TMEM71: variants seen among roughly 807,000 people sequenced by gnomAD.
The protein encoded by TMEM71 is transmembrane protein 71.
TMEM71 carries 44 observed loss-of-function variants against 38.0 expected under a neutral mutation model. The ratio of observed to expected loss-of-function variants is 1.16; its 90% confidence interval spans 0.91 to 1.49. TMEM71 has a LOEUF of 1.49. TMEM71 is among the 40% of genes most tolerant of loss of function. TMEM71 has a pLI of 0.00. For missense variants in TMEM71, 367 were observed against 348.6 expected, an observed-to-expected ratio of 1.05 and a Z score of -0.42; for synonymous variants, 133 against 122.5, an observed-to-expected ratio of 1.09 and a Z score of -0.56.
chr8:132,746,287 T>C (rs1237503385), intron 5 of TMEM71, among the ~76,000 whole-genome samples: 2 of 149,780 alleles, frequency 1.3e-5, no homozygotes, highest in Admixed American at 6.7e-5. Context: ...TTACACAATA[T>C]GTATATATTA....
chr8:132,734,489 A>G (rs1156270434), intron 5 of TMEM71, among the ~76,000 whole-genome samples: 1 of 152,226 alleles, frequency 6.6e-6, no homozygotes, highest in Non-Finnish European at 1.5e-5. Context: ...TAACAACAGT[A>G]AAAAGATGTG....
At chr8:132,721,406 A>G (rs1254902965) in intron 7 of TMEM71, among the ~76,000 whole-genome samples, 1 of 152,218 alleles carries the variant, frequency 6.6e-6, no homozygotes, top group African/African-American at 2.4e-5. Flanking sequence ...AAGTGGCTTT[A>G]AACTCCAGCT....
chr8:132,746,400 C>CAT (rs1222340698), intron 5 of TMEM71, among the ~76,000 whole-genome samples: 1 of 16,192 alleles, frequency 6.2e-5, no homozygotes, highest in South Asian at 4.2e-3. Context: ...TATATATATA[C>CAT]ATATATATAT....
chr8:132,731,068 A>T lies in TMEM71; in HGVS notation c.488-3082T>A, dbSNP rs185905482. On this transcript the variant is annotated intron_variant, in intron 5 of 9. Coordinates refer to ENST00000677595, the MANE Select transcript of TMEM71 (RefSeq NM_001382403.1). ...AGACTGAAACATACATTCTAATACTAGTAACAGGGCACTTTGCTTAATTTT... is the reference window on the plus strand; with the variant it reads ...AGACTGAAACATACATTCTAATACTTGTAACAGGGCACTTTGCTTAATTTT... 2.5e-3 allele frequency among the ~76,000 whole-genome samples: 382 copies of T among 152,354 alleles called. 9 individuals are homozygous for T. Among genetic ancestry groups the T allele is most frequent in the Non-Finnish European group, 5.9e-4 (40 of 68,040 alleles).
At chr8:132,757,058 T>TA (rs1829060674) in intron 3 of TMEM71, among the ~76,000 whole-genome samples, 176 bp downstream of exon 3, 1 of 151,360 alleles carries the variant, frequency 6.6e-6, no homozygotes, top group Non-Finnish European at 1.5e-5. Context: ...CGCTGATTTT[T>TA]TTTTTTTTTT....
intron 4 of TMEM71, among the ~76,000 whole-genome samples, chr8:132,747,614 C>T (rs1586802304): frequency 6.6e-6 from 1 of 152,142 alleles, no homozygotes; most frequent in African/African-American, 2.4e-5. Flanking sequence ...GATCGCTATG[C>T]TATATAGGGG....
At chr8:132,764,556 C>T (rs1829340754), upstream of TMEM71, among the ~76,000 whole-genome samples, 1 of 152,190 alleles carries the variant, frequency 6.6e-6, no homozygotes, top group African/African-American at 2.4e-5. Flanking sequence ...CTCATTGTTC[C>T]CTCAACAGGC....
intron 6 of TMEM71, among the ~76,000 whole-genome samples, chr8:132,725,305 C>T (rs1827081977): frequency 6.6e-6 from 1 of 152,194 alleles, no homozygotes; most frequent in African/African-American, 2.4e-5. Flanking sequence ...GCTGGGACTA[C>T]AGGCATGAGA....
upstream of TMEM71, among the ~76,000 whole-genome samples, chr8:132,762,167 A>G (rs1829308881): frequency 6.6e-6 from 1 of 152,000 alleles, no homozygotes; most frequent in South Asian, 2.1e-4. Context: ...GTCATTGCTG[A>G]CTCTCTGCTG....
rs201268728 is a variant in TMEM71, at chr8:132,751,948, T to C, written c.151A>G (p.Ile51Val). Reference protein sequence around the residue: ...DGYHSFECGSIDPLTGSHYTC... With the variant: ...DGYHSFECGSVDPLTGSHYTC... The stretch of plus-strand genomic sequence containing the variant: ...TAGTGGGAGCCTGTCAGGGGATCTA[T>C]GGAGCCGCATTCAAAAGAATGGTAA... The change falls in exon 4 of 10, where the codon ATA (isoleucine) becomes GTA (valine). Residue 51 changes from isoleucine to valine, a missense_variant. Transcript: ENST00000677595. 7.4e-6 allele frequency: 12 copies of C among 1,614,102 alleles called. No homozygotes were observed. The Admixed American group carries it at 1.5e-4, about 20-fold the overall frequency.
intron 7 of TMEM71, among the ~76,000 whole-genome samples, chr8:132,717,534 C>G (rs757249193): frequency 4.6e-5 from 7 of 152,122 alleles, no homozygotes; most frequent in Non-Finnish European, 8.8e-5. Context: ...ATCAAAACCA[C>G]AGTGAGATAT....
At chr8:132,705,888 T>C (rs982766523), downstream of TMEM71, among the ~76,000 whole-genome samples, 1 of 152,200 alleles carries the variant, frequency 6.6e-6, no homozygotes, top group Non-Finnish European at 1.5e-5. Flanking sequence ...CTGAGTATTA[T>C]GTACTGAATG....
chr8:132,756,183 AGAC>A (rs1828992201), intron 3 of TMEM71, among the ~76,000 whole-genome samples: 1 of 152,038 alleles, frequency 6.6e-6, no homozygotes, highest in African/African-American at 2.4e-5. Context: ...GAAAGAAAAA[AGAC>A]TTCCTTGTAG....
At chr8:132,735,595 T>C (rs1827704256) in intron 5 of TMEM71, among the ~76,000 whole-genome samples, 1 of 152,220 alleles carries the variant, frequency 6.6e-6, no homozygotes, top group Non-Finnish European at 1.5e-5. Context: ...TGATTTGTTA[T>C]ATTTAGAGGA....
At chr8:132,753,051 G>GT (rs1027409614) in intron 3 of TMEM71, among the ~76,000 whole-genome samples, 15 of 152,028 alleles carry the variant, frequency 9.9e-5, no homozygotes, top group African/African-American at 3.1e-4. Flanking sequence ...AAACTGCTTG[G>GT]TTTTTTTCCC....
At chr8:132,768,059 G>A in the TMEM71 span, among the ~76,000 whole-genome samples, 3 of 152,220 alleles carry the variant, frequency 2.0e-5, no homozygotes, top group South Asian at 2.1e-4. Context: ...TATAAGTGAT[G>A]TACTAAGAAA....
Position 132,759,082 on chromosome 8 carries a change from T to C in TMEM71, c.-36-167A>G, listed in dbSNP as rs571452456. Among the ~76,000 whole-genome samples the C allele has an allele frequency of 2.6e-5, 4 of 152,298 alleles. No homozygotes were observed. The South Asian group carries it at 8.3e-4, about 32-fold the overall frequency. ...GACTGAAGACACAACCCCTCTAAAGTTGTGTCTGCCTCTATGACTGAACAT... is the reference window on the plus strand; with the variant it reads ...GACTGAAGACACAACCCCTCTAAAGCTGTGTCTGCCTCTATGACTGAACAT... On this transcript the variant is annotated intron_variant, in intron 1 of 9. Transcript: ENST00000677595.
intron 5 of TMEM71, 41 bp downstream of exon 5, chr8:132,746,901 G>A: frequency 1.3e-6 from 2 of 1,509,418 alleles, no homozygotes; most frequent in Non-Finnish European, 1.8e-6. Flanking sequence ...CTGCCCACTT[G>A]GAGATAAAAT....
chr8:132,772,339 T>A, the TMEM71 span, among the ~76,000 whole-genome samples: 1 of 152,190 alleles, frequency 6.6e-6, no homozygotes, highest in Non-Finnish European at 1.5e-5. Context: ...CAAACACAGC[T>A]GTAAGTTCTT....
Sources: allele counts gnomAD v4.1 joint callset (sites outside exome capture counted in the v4.1 genomes callset), GRCh38; gene constraint gnomAD v4.1.1; transcripts MANE v1.5; gene names NCBI Gene and HGNC (gene_info 2026-07-23, HGNC 2026-07-21).